SLC9A1: variants seen among roughly 807,000 people sequenced by gnomAD.
The protein encoded by SLC9A1 is solute carrier family 9 member A1, also known as sodium/hydrogen exchanger 1.
In SLC9A1, 22 loss-of-function variants were observed where a neutral mutation model predicts 67.9. The observed-to-expected ratio is 0.32, with a 90% CI of 0.23 to 0.46. The LOEUF (loss-of-function observed/expected upper bound fraction) is 0.46, where lower values mean the gene tolerates loss of function less well. SLC9A1 is among the 20% of genes least tolerant of loss of function. The pLI is 1.00. For missense variants in SLC9A1, 686 were observed against 1,094.8 expected (o/e 0.63, Z 5.27); for synonymous variants, 421 against 471.8 (o/e 0.89, Z 1.40).
At chr1:27,117,229 T>C (rs191418118) in intron 1 of SLC9A1, among the ~76,000 whole-genome samples, 26 of 151,976 alleles carry the variant, frequency 1.7e-4, no homozygotes, top group African/African-American at 6.0e-4. Context: ...AGGATGAAGA[T>C]TTAGGGGAGC....
chr1:27,140,946 G>C (rs1172587358), intron 1 of SLC9A1, among the ~76,000 whole-genome samples: 1 of 152,214 alleles, frequency 6.6e-6, no homozygotes, highest in East Asian at 1.9e-4. Context: ...GGCAGCTCAC[G>C]CCTGTAATCC....
chr1:27,146,860 G>A lies in SLC9A1; in HGVS notation c.352+7123C>T, dbSNP rs114689770. Among the ~76,000 whole-genome samples the A allele has an allele frequency of 7.2e-3, 1,100 of 152,286 alleles. 16 individuals carry two copies. Among genetic ancestry groups the A allele is most frequent in the African/African-American group, 0.025 (1,035 of 41,570 alleles). On this transcript the variant is annotated intron_variant, in intron 1 of 11. Transcript: ENST00000263980. ...AAATATATCACCAATTACCGGACGG[G>A]TGCAGTGGCTCATGTCTGTAATCCC...
rs1570851510 is a variant in SLC9A1, at chr1:27,109,331, C to A, written c.1064+196G>T. On this transcript the variant is annotated intron_variant, in intron 3 of 11. Coordinates refer to ENST00000263980, the MANE Select transcript of SLC9A1 (RefSeq NM_003047.5). This position sits in a 1 kb window ranked among gnomAD's most constrained non-coding sequence, Gnocchi z 5.5. ...CCCAGGGGGCGCTGCAGAAGTGCTC[C>A]TCTTCTAGGAAGCCACTGATGCCCT... Among the ~76,000 whole-genome samples the A allele has an allele frequency of 6.6e-6, 1 of 152,146 alleles. No homozygotes were observed. Among genetic ancestry groups the A allele is most frequent in the African/African-American group, 2.4e-5 (1 of 41,434 alleles).
chr1:27,148,475 C>T (rs754746635), intron 1 of SLC9A1, among the ~76,000 whole-genome samples: 1 of 152,074 alleles, frequency 6.6e-6, no homozygotes, highest in Non-Finnish European at 1.5e-5. Context: ...CTTTAAATCT[C>T]TCATCCCCCT....
chr1:27,101,859 C>T lies in SLC9A1; in HGVS notation c.1936-33G>A, dbSNP rs754793892. ...AGGGACAGCGTCAGGGCAGTGCGGG[C>T]CCCGGAAGGCTCTGCTCATGGAGGG... On this transcript the variant is annotated intron_variant, in intron 9 of 11. Coordinates refer to ENST00000263980, the MANE Select transcript of SLC9A1 (RefSeq NM_003047.5). This position sits in a 1 kb window ranked among gnomAD's most constrained non-coding sequence, Gnocchi z 4.9. 1 of 1,549,914 alleles carries T rather than the reference C, an allele frequency of 6.5e-7. No individual in the cohort carries two copies. The highest frequency in any genetic ancestry group is 2.3e-4 in the Middle Eastern group (1 of 4,432).
chr1:27,105,014 G>T (rs569553820), intron 5 of SLC9A1, among the ~76,000 whole-genome samples: 104 of 152,218 alleles, frequency 6.8e-4, no homozygotes, highest in African/African-American at 2.3e-3. Flanking sequence ...AGGATTCTTG[G>T]GAATCATCTC....
chr1:27,140,146 C>G (rs530796886), intron 1 of SLC9A1, among the ~76,000 whole-genome samples: 1 of 151,948 alleles, frequency 6.6e-6, no homozygotes, highest in Non-Finnish European at 1.5e-5. Flanking sequence ...GGAAGCCTTT[C>G]CTGACCCACC....
At chr1:27,105,768 G>GT in intron 5 of SLC9A1, 117 bp downstream of exon 5, 1 of 887,790 alleles carries the variant, frequency 1.1e-6, no homozygotes, top group East Asian at 2.6e-5. Flanking sequence ...CACACAGCAA[G>GT]TTAGTGGTGG....
intron 1 of SLC9A1, among the ~76,000 whole-genome samples, chr1:27,133,895 G>T (rs949627709): frequency 2.0e-5 from 3 of 151,788 alleles, no homozygotes; most frequent in Admixed American, 1.3e-4. Flanking sequence ...CTCCCGAGTA[G>T]CTGGAATTAC....
At chr1:27,144,486 G>GT (rs957387738) in intron 1 of SLC9A1, among the ~76,000 whole-genome samples, 6 of 152,334 alleles carry the variant, frequency 3.9e-5, no homozygotes, top group African/African-American at 1.4e-4. Flanking sequence ...GCATCATTCT[G>GT]TGAGTGTCGC....
intron 1 of SLC9A1, among the ~76,000 whole-genome samples, chr1:27,149,503 A>C (rs1301632582): frequency 6.6e-6 from 1 of 152,254 alleles, no homozygotes; most frequent in African/African-American, 2.4e-5. Context: ...GAGATGTCAC[A>C]GGGCAGGCAA....
chr1:27,100,628 C>T lies in SLC9A1; in HGVS notation c.2127G>A (p.Glu709=), dbSNP rs1343553455. The T allele has an allele frequency of 1.9e-6, 3 of 1,608,602 alleles. No homozygotes were observed. The highest frequency in any genetic ancestry group is 2.5e-6 in the Non-Finnish European group (3 of 1,176,874). ...TGATGACAGGCAGGTCCTCCTTCGG[C>T]TCATAGGCCAGTGGGTCTGGGGACC... The part of the protein sequence containing the change: ...ARIGSDPLAY[E]PKEDLPVITI... The change falls in exon 12 of 12, where the codon GAG becomes GAA. Residue 709 remains glutamate, a synonymous_variant. Transcript: ENST00000263980. This position sits in a 1 kb window ranked among gnomAD's most constrained non-coding sequence, Gnocchi z 5.6.
In SLC9A1 at chr1:27,101,680, G is replaced by A. The variant is rs765716716; in HGVS notation, c.2037+45C>T. On this transcript the variant is annotated intron_variant, in intron 10 of 11. Transcript: ENST00000263980. The surrounding 1 kb of genome is among the most constrained non-coding windows in gnomAD (Gnocchi z 4.9). ...CCTTAGAGGCTGTGGCGGAGCTTGGGCGAGTGGGGTGGGATACAGATTCCC... is the reference window on the plus strand; with the variant it reads ...CCTTAGAGGCTGTGGCGGAGCTTGGACGAGTGGGGTGGGATACAGATTCCC... 3.6e-6 allele frequency: 5 copies of A among 1,380,410 alleles called. No homozygotes were observed. The highest frequency in any genetic ancestry group is 1.0e-6 in the Non-Finnish European group (1 of 978,840). 85.5% of individuals were successfully genotyped at this position (1,380,410 alleles called of 1,614,324 possible).
intron 1 of SLC9A1, among the ~76,000 whole-genome samples, chr1:27,119,925 A>G (rs2083294151): frequency 6.6e-6 from 1 of 152,232 alleles, no homozygotes; most frequent in Non-Finnish European, 1.5e-5. Context: ...GTGGCCTAGT[A>G]AAGACTTCAT....
At chr1:27,126,418 C>T (rs998411000) in intron 1 of SLC9A1, among the ~76,000 whole-genome samples, 11 of 152,246 alleles carry the variant, frequency 7.2e-5, no homozygotes, top group Admixed American at 3.9e-4. Context: ...AAGCACTGGG[C>T]GAACCACAAG....
intron 1 of SLC9A1, among the ~76,000 whole-genome samples, chr1:27,144,958 A>C (rs1304056432): frequency 6.6e-6 from 1 of 151,942 alleles, no homozygotes; most frequent in Non-Finnish European, 1.5e-5. Context: ...AGGCTGAGGC[A>C]GAATTGCTTG....
At chr1:27,147,315 A>AAAAAAAAAG in intron 1 of SLC9A1, among the ~76,000 whole-genome samples, 1 of 149,800 alleles carries the variant, frequency 6.7e-6, no homozygotes, top group Non-Finnish European at 1.5e-5. Flanking sequence ...AAAAAAAAAA[A>AAAAAAAAAG]AAAAAAGAAA....
In SLC9A1 at chr1:27,100,753, G is replaced by A. The variant is rs965347707; in HGVS notation, c.2111-109C>T. The A allele has an allele frequency of 4.7e-6, 4 of 860,124 alleles. No homozygotes were observed. In the Admixed American group the frequency reaches 7.0e-5, roughly 15 times the overall value. 53.3% of individuals were successfully genotyped at this position (860,124 alleles called of 1,614,324 possible). On this transcript the variant is annotated intron_variant, in intron 11 of 11. Transcript: ENST00000263980. The surrounding 1 kb of genome is among the most constrained non-coding windows in gnomAD (Gnocchi z 5.6). ...TTCAGGCCTTCTCATGAGCACAGCCGTCCCGGTCCCAACAGGCCTCAGAAG... is the reference window on the plus strand; with the variant it reads ...TTCAGGCCTTCTCATGAGCACAGCCATCCCGGTCCCAACAGGCCTCAGAAG...
intron 2 of SLC9A1, among the ~76,000 whole-genome samples, chr1:27,113,213 C>T (rs947933197): frequency 1.3e-5 from 2 of 151,992 alleles, no homozygotes; most frequent in African/African-American, 4.8e-5. Context: ...AATCTCAGCA[C>T]TTTGGGAGGC....
Sources: gnomAD v4.1 joint callset for allele counts (sites outside exome capture counted in the v4.1 genomes callset) on GRCh38, gnomAD v4.1.1 for gene constraint, Gnocchi (gnomAD v3.1) non-coding constraint, MANE v1.5 for transcripts, NCBI Gene and HGNC (gene_info 2026-07-23, HGNC 2026-07-21) for gene names.